The following CCSAP variants were observed in gnomAD, a reference collection of about 807,000 sequenced individuals.
CCSAP encodes centriole, cilia and spindle associated protein.
Under a neutral mutation model 25.9 loss-of-function variants are expected in CCSAP, and 17 were observed. The observed-to-expected ratio is 0.66, with a 90% CI of 0.45 to 0.99. The LOEUF (loss-of-function observed/expected upper bound fraction) is 0.99, where lower values mean the gene tolerates loss of function less well. Among genes scored for constraint, CCSAP ranks in the 50% least tolerant of loss-of-function variants. The pLI, the probability that CCSAP is intolerant of heterozygous loss-of-function variation, is 0.00. For missense variants in CCSAP, 339 were observed against 367.8 expected, an observed-to-expected ratio of 0.92 and a Z score of 0.64; for synonymous variants, 169 against 157.1, an observed-to-expected ratio of 1.08 and a Z score of -0.57.
Position 229,326,892 on chromosome 1 carries a change from C to G in CCSAP, c.482G>C (p.Arg161Thr), listed in dbSNP as rs1657953332. Residue 161 changes from arginine to threonine, a missense_variant, in exon 3 of 4, where the codon AGA (arginine) becomes ACA (threonine). By Grantham distance (71) the Arg-to-Thr change is moderately conservative. Transcript: ENST00000284617. ...PRQQPSALFA[R>T]GNRKAVKSPQ... ...ACTTTTGACCGCTTTCCTGTTTCCT[C>G]TAGCAAATAAGGCACTTGGTTGCTG... 2 of 1,614,218 alleles carry G rather than the reference C, an allele frequency of 1.2e-6. No individual in the cohort carries two copies. The highest frequency in any genetic ancestry group is 2.2e-5 in the East Asian group (1 of 44,888).
At chr1:229,333,453 A>AT (rs1234906031) in intron 2 of CCSAP, among the ~76,000 whole-genome samples, 4 of 150,726 alleles carry the variant, frequency 2.7e-5, no homozygotes, top group African/African-American at 9.8e-5. Context: ...AAAAAAAAAA[A>AT]TTTCTAAATA....
At chr1:229,325,952 C>G (rs985991568) in intron 3 of CCSAP, among the ~76,000 whole-genome samples, 1 of 152,178 alleles carries the variant, frequency 6.6e-6, no homozygotes, top group Non-Finnish European at 1.5e-5. Flanking sequence ...CCAAATAACA[C>G]CATTTGCTAG....
chr1:229,333,255 AC>A (rs1026740164), intron 2 of CCSAP, among the ~76,000 whole-genome samples: 1 of 151,460 alleles, frequency 6.6e-6, no homozygotes, highest in Non-Finnish European at 1.5e-5. Flanking sequence ...ACACGGTGAA[AC>A]CCCGTCTCTA....
Position 229,326,961 on chromosome 1 carries a change from C to G in CCSAP, c.413G>C (p.Arg138Thr). Residue 138 changes from arginine (R) to threonine (T), a missense_variant, in exon 3 of 4, where the codon AGA becomes ACA. By Grantham distance (71) the Arg-to-Thr change is moderately conservative. Coordinates refer to ENST00000284617, the MANE Select transcript of CCSAP (RefSeq NM_145257.5). ...DVEDKPEQQTRTRETDKSPTS... is the reference protein window; with the variant it reads ...DVEDKPEQQTTTRETDKSPTS... Reference sequence around the variant, plus strand: ...GGGTGATTTGTCAGTCTCTCTTGTTCTGGTTTGTTGTTCAGGTTTATCTTC... The same window carrying G: ...GGGTGATTTGTCAGTCTCTCTTGTTGTGGTTTGTTGTTCAGGTTTATCTTC... 2 of 1,614,118 alleles carry G rather than the reference C, an allele frequency of 1.2e-6. No individual in the cohort carries two copies. Among genetic ancestry groups the G allele is most frequent in the African/African-American group, 1.3e-5 (1 of 75,030 alleles).
rs559873142 is a variant in CCSAP at position 229,325,369 on chromosome 1, C to T, written c.679G>A (p.Glu227Lys). The change falls in exon 4 of 4, where the codon GAA (glutamate) becomes AAA (lysine). Residue 227 changes from glutamate to lysine, a missense_variant. Glu to Lys is a moderately conservative substitution (Grantham distance 56). Coordinates refer to ENST00000284617, the MANE Select transcript of CCSAP (RefSeq NM_145257.5). ...CTTTGAGCAACCAGTTTCCTTTTTT[C>T]CACCTGTCTTCTGTTCTTGGCTCGT... is the stretch of plus-strand genomic sequence containing the variant. ...ALRAKNRRQVEKRKLVAQRQR... is the reference protein window; with the variant it reads ...ALRAKNRRQVKKRKLVAQRQR... The T allele has an allele frequency of 7.4e-5, 119 of 1,614,062 alleles. No individual in the cohort carries two copies. The highest frequency in any genetic ancestry group is 1.3e-4 in the South Asian group (12 of 91,062).
At chr1:229,341,489 G>A (rs1261056721) in intron 2 of CCSAP, among the ~76,000 whole-genome samples, 3 of 152,222 alleles carry the variant, frequency 2.0e-5, no homozygotes, top group African/African-American at 7.2e-5. Flanking sequence ...GGCGCTTTCG[G>A]ATCTGGACAG....
rs923986980 is a variant in CCSAP at position 229,321,467 on chromosome 1, C to A, written c.*3768G>T. 6.6e-6 allele frequency: 1 copy of A among 152,122 alleles called. No homozygotes were observed. The highest frequency in any genetic ancestry group is 2.4e-5 in the African/African-American group (1 of 41,428). The allele number at this position is 152,122 out of a possible 1,614,324, so 9.4% of individuals were successfully genotyped here. ...ATATCCACCCTATAGTACAAAAATT[C>A]ATTTCAAATGCAAACGTTGTGCAAT... On this transcript the variant is annotated 3_prime_UTR_variant, in exon 4 of 4. Coordinates refer to ENST00000284617, the MANE Select transcript of CCSAP (RefSeq NM_145257.5).
rs940310868 is a variant in CCSAP at position 229,323,589 on chromosome 1, A to T, written c.*1646T>A. 6.6e-6 allele frequency: 1 copy of T among 152,270 alleles called. No homozygotes were observed. Among genetic ancestry groups the T allele is most frequent in the Non-Finnish European group, 1.5e-5 (1 of 68,052 alleles). The allele number at this position is 152,270 out of a possible 1,614,324, so 9.4% of individuals were successfully genotyped here. On this transcript the variant is annotated 3_prime_UTR_variant, in exon 4 of 4. Transcript: ENST00000284617. ...TTAATACCAAAATTCACCAGTTACT[A>T]GCAAGGCTGTTTTGGACAACATGTA...
At chr1:229,335,908 T>G (rs139698824) in intron 2 of CCSAP, among the ~76,000 whole-genome samples, 184 of 152,100 alleles carry the variant, frequency 1.2e-3, no homozygotes, top group African/African-American at 4.1e-3. Context: ...CAACCATGAA[T>G]TGAAAATATT....
intron 2 of CCSAP, among the ~76,000 whole-genome samples, chr1:229,340,894 A>G (rs969551028): frequency 6.6e-6 from 1 of 152,128 alleles, no homozygotes; most frequent in African/African-American, 2.4e-5. Context: ...CCGTTTTTTC[A>G]TCTATAAAAC....
At position 229,329,958 on chromosome 1, in the gene CCSAP, T is replaced by C. The variant is rs527463843; in HGVS notation, c.368-2952A>G. ...GTGAGCCGAGATTGCACCATTGCAC[T>C]CCACCCTGGGCAACAAGAGCAAAAC... On this transcript the variant is annotated intron_variant, in intron 2 of 3. Coordinates refer to ENST00000284617, the MANE Select transcript of CCSAP (RefSeq NM_145257.5). Among the ~76,000 whole-genome samples, 25 of 152,044 alleles carry C rather than the reference T, an allele frequency of 1.6e-4. No homozygotes were observed. The East Asian group carries it at 4.8e-3, about 29-fold the overall frequency.
rs1657878719 is a variant in CCSAP, at chr1:229,323,769, G to C, written c.*1466C>G. On this transcript the variant is annotated 3_prime_UTR_variant, in exon 4 of 4. Coordinates refer to ENST00000284617, the MANE Select transcript of CCSAP (RefSeq NM_145257.5). The stretch of plus-strand genomic sequence containing the variant: ...AGCTTAAACAGTTATCATGTGTGAA[G>C]AGTTTATGGGGAATGAAAGCAATAT... 6.6e-6 allele frequency: 1 copy of C among 152,184 alleles called. No individual in the cohort carries two copies. Among genetic ancestry groups the C allele is most frequent in the Non-Finnish European group, 1.5e-5 (1 of 68,032 alleles). The allele number at this position is 152,184 out of a possible 1,614,324, so 9.4% of individuals were successfully genotyped here.
Position 229,324,189 on chromosome 1 carries a change from TTTGTTA to T in CCSAP, c.*1040_*1045del, listed in dbSNP as rs1411994047. 1 of 152,560 alleles carries T rather than the reference TTTGTTA, an allele frequency of 6.6e-6. No homozygotes were observed. Among genetic ancestry groups the T allele is most frequent in the Non-Finnish European group, 1.5e-5 (1 of 68,012 alleles). The allele number at this position is 152,560 out of a possible 1,614,324, so 9.5% of individuals were successfully genotyped here. On this transcript the variant is annotated 3_prime_UTR_variant, in exon 4 of 4. Coordinates refer to ENST00000284617, the MANE Select transcript of CCSAP (RefSeq NM_145257.5). ...TTTGAATACTGTACATCATCAAGAC[TTTGTTA>T]TTGTTAAGTGCTATAAAGAAAAAGA...
rs1376791996 is a variant in CCSAP at position 229,325,393 on chromosome 1, G to A, written c.655C>T (p.Arg219Ter). The A allele has an allele frequency of 3.7e-6, 6 of 1,613,144 alleles. No homozygotes were observed. The highest frequency in any genetic ancestry group is 5.1e-6 in the Non-Finnish European group (6 of 1,179,788). The stretch of plus-strand genomic sequence containing the variant: ...TCCACCTGTCTTCTGTTCTTGGCTC[G>A]TAATGCTGATTCATGAATCTAAAGA... ...PVHEIHESAL[R>*]AKNRRQVEKR... is the part of the protein sequence containing the mutation. Residue 219 changes from arginine to a stop codon, truncating the protein, a stop_gained, in exon 4 of 4, where the codon CGA (arginine) becomes TGA (stop). Coordinates refer to ENST00000284617, the MANE Select transcript of CCSAP (RefSeq NM_145257.5). LOFTEE classifies it low-confidence loss of function (END_TRUNC).
At chr1:229,332,769 T>A (rs370964079) in intron 2 of CCSAP, among the ~76,000 whole-genome samples, 1 of 152,202 alleles carries the variant, frequency 6.6e-6, no homozygotes, top group East Asian at 1.9e-4. Context: ...CAAGTTACAC[T>A]AGTTATCGTT....
intron 2 of CCSAP, among the ~76,000 whole-genome samples, chr1:229,333,234 C>A (rs1001828770): frequency 6.6e-6 from 1 of 151,528 alleles, no homozygotes; most frequent in Non-Finnish European, 1.5e-5. Flanking sequence ...AGATAGAGAC[C>A]ATCCTGGGTA....
At position 229,342,214 on chromosome 1, in the gene CCSAP, G is replaced by T; in HGVS notation, c.252C>A (p.Pro84=). The stretch of plus-strand genomic sequence containing the variant: ...CCTCCTCCTGGGTCGCCGGCTCTAC[G>T]GGCGGCGGGGGCGAGGGCGGGGCGC... ...PRCAPPSPPP[P]VEPATQEEAE... Residue 84 remains proline (P), a synonymous_variant, in exon 2 of 4, where the codon CCC becomes CCA. Transcript: ENST00000284617. The surrounding 1 kb of genome is among the most constrained non-coding windows in gnomAD (Gnocchi z 7.5). 2.4e-6 allele frequency: 3 copies of T among 1,251,588 alleles called. No individual in the cohort carries two copies. Among genetic ancestry groups the T allele is most frequent in the Non-Finnish European group, 3.0e-6 (3 of 1,000,154 alleles). 77.5% of individuals were successfully genotyped at this position (1,251,588 alleles called of 1,614,324 possible). A position where few individuals can be genotyped will look rare whatever the true frequency, so the allele number is the denominator to read the frequency against.
intron 2 of CCSAP, among the ~76,000 whole-genome samples, chr1:229,341,080 G>A (rs1215119650): frequency 1.3e-5 from 2 of 151,932 alleles, no homozygotes; most frequent in Non-Finnish European, 2.9e-5. Flanking sequence ...TGTAATCCCA[G>A]CTACTCGGGA....
chr1:229,332,776 C>T (rs995922272), intron 2 of CCSAP, among the ~76,000 whole-genome samples: 17 of 152,278 alleles, frequency 1.1e-4, no homozygotes, highest in Admixed American at 1.3e-4. Flanking sequence ...CACTAGTTAT[C>T]GTTCAAGTGC....
Sources: allele counts gnomAD v4.1 joint callset (sites outside exome capture counted in the v4.1 genomes callset), GRCh38; gene constraint gnomAD v4.1.1; non-coding constraint Gnocchi (gnomAD v3.1); transcripts MANE v1.5; gene names NCBI Gene and HGNC (gene_info 2026-07-23, HGNC 2026-07-21).